The following RBFOX1 variants were observed in gnomAD, a reference collection of about 807,000 sequenced individuals.
RBFOX1 encodes the protein RNA binding fox-1 homolog 1.
A neutral mutation model predicts 57.7 loss-of-function variants in RBFOX1; 8 were observed. The ratio of observed to expected loss-of-function variants is 0.14; its 90% CI spans 0.08 to 0.25. The LOEUF (loss-of-function observed/expected upper bound fraction) is 0.25, where lower values mean the gene tolerates loss of function less well. Among genes scored for constraint, RBFOX1 ranks in the 10% least tolerant of loss-of-function variants. The pLI is 1.00. For synonymous variants in RBFOX1, 326 were observed against 222.4 expected, an observed-to-expected ratio of 1.47 and a Z score of -4.15; for missense variants, 611 against 548.5, an observed-to-expected ratio of 1.11 and a Z score of -1.14.
chr16:6,016,236 G>A (rs143673867), upstream of RBFOX1, among the ~76,000 whole-genome samples: 230 of 152,292 alleles, frequency 1.5e-3, no homozygotes, highest in African/African-American at 5.4e-3. Flanking sequence ...AGAGGAGTTC[G>A]CAAGAACACC....
At chr16:6,987,504 CAG>C (rs1555721464) in intron 3 of RBFOX1, among the ~76,000 whole-genome samples, 3 of 143,058 alleles carry the variant, frequency 2.1e-5, no homozygotes, top group Non-Finnish European at 4.6e-5. Flanking sequence ...CACACACACA[CAG>C]AGGCATGCCC....
At chr16:6,458,011 G>GAAAA (rs3066910) in intron 2 of RBFOX1, among the ~76,000 whole-genome samples, 6 of 150,232 alleles carry the variant, frequency 4.0e-5, no homozygotes, top group East Asian at 2.0e-4. Flanking sequence ...TCTCAAAACT[G>GAAAA]AAAAAAAAAA....
intron 4 of RBFOX1, among the ~76,000 whole-genome samples, chr16:7,059,734 T>G (rs1451386930): frequency 1.3e-5 from 2 of 152,194 alleles, no homozygotes; most frequent in East Asian, 3.9e-4. Context: ...GACTGTTTGG[T>G]ACAAATTTAC....
intron 3 of RBFOX1, among the ~76,000 whole-genome samples, chr16:6,699,831 A>G (rs750842425): frequency 6.6e-5 from 10 of 152,202 alleles, no homozygotes; most frequent in African/African-American, 9.7e-5. Context: ...TTGTATGTAG[A>G]TAAGTGTCAA....
At chr16:5,454,878 CTT>C (rs1358201773) in intron 1 of RBFOX1, among the ~76,000 whole-genome samples, 2 of 84,714 alleles carry the variant, frequency 2.4e-5, no homozygotes, top group South Asian at 8.1e-4. Flanking sequence ...TTCTTTCTTT[CTT>C]TCTTTCTTTC....
intron 4 of RBFOX1, among the ~76,000 whole-genome samples, chr16:7,445,681 A>G (rs1354450290): frequency 6.6e-6 from 1 of 152,132 alleles, no homozygotes; most frequent in Admixed American, 6.5e-5. Flanking sequence ...ATGGTACCAC[A>G]GTTTTTGTTG....
chr16:6,895,444 G>GTATATATATA (rs1341028814), intron 3 of RBFOX1, among the ~76,000 whole-genome samples: 11 of 73,466 alleles, frequency 1.5e-4, no homozygotes, highest in East Asian at 1.4e-3. Flanking sequence ...GTGTGTGTGT[G>GTATATATATA]TGTGTATATA....
At chr16:6,687,768 A>G (rs949586533) in intron 3 of RBFOX1, among the ~76,000 whole-genome samples, 1 of 152,184 alleles carries the variant, frequency 6.6e-6, no homozygotes, top group East Asian at 1.9e-4. Flanking sequence ...GTCAGCCCAG[A>G]GTGGTCACAT....
At chr16:5,554,777 C>G (rs907071941) in intron 2 of RBFOX1, among the ~76,000 whole-genome samples, 3 of 152,188 alleles carry the variant, frequency 2.0e-5, no homozygotes, top group African/African-American at 7.2e-5. Context: ...ATGCTTGACA[C>G]TGGTGGATGA....
At chr16:7,354,685 C>T (rs773832911) in intron 4 of RBFOX1, among the ~76,000 whole-genome samples, 11 of 152,144 alleles carry the variant, frequency 7.2e-5, no homozygotes, top group Non-Finnish European at 1.3e-4. Context: ...GAAGATAGCA[C>T]TCTCTGGAAA....
intron 2 of RBFOX1, among the ~76,000 whole-genome samples, chr16:6,498,246 C>T (rs940637633): frequency 5.4e-5 from 7 of 128,528 alleles, no homozygotes; most frequent in Admixed American, 2.7e-4. Flanking sequence ...AGAGGAACTC[C>T]GTCTCAAAAC....
intron 1 of RBFOX1, among the ~76,000 whole-genome samples, chr16:6,072,385 T>C (rs2095848076): frequency 6.6e-6 from 1 of 152,194 alleles, no homozygotes; most frequent in East Asian, 1.9e-4. Context: ...ATATTTTGGC[T>C]ATTGTGCTTA....
intron 1 of RBFOX1, among the ~76,000 whole-genome samples, chr16:5,391,933 A>C (rs1325330231): frequency 1.3e-5 from 2 of 151,754 alleles, no homozygotes; most frequent in Admixed American, 1.3e-4. Context: ...ATACACACAC[A>C]ATGGAATACT....
chr16:6,909,627 T>C (rs554617127), intron 3 of RBFOX1, among the ~76,000 whole-genome samples: 1 of 152,226 alleles, frequency 6.6e-6, no homozygotes, highest in African/African-American at 2.4e-5. Context: ...TTCTCTCTTT[T>C]ACAAAATCAG....
chr16:5,950,805 T>C (rs1016721796), intron 4 of RBFOX1, among the ~76,000 whole-genome samples: 1 of 151,522 alleles, frequency 6.6e-6, no homozygotes, highest in African/African-American at 2.4e-5. Flanking sequence ...GATACCTGAG[T>C]TCAAGGGAAA....
intron 3 of RBFOX1, among the ~76,000 whole-genome samples, chr16:7,013,595 C>T (rs2093757137): frequency 6.6e-6 from 1 of 152,182 alleles, no homozygotes; most frequent in Non-Finnish European, 1.5e-5. Flanking sequence ...ATCATTGCAA[C>T]ACAACTACTA....
chr16:5,698,045 T>A (rs1028359604), intron 3 of RBFOX1, among the ~76,000 whole-genome samples: 1 of 152,246 alleles, frequency 6.6e-6, no homozygotes, highest in African/African-American at 2.4e-5. Context: ...TTAATAGGAG[T>A]TCTGGTTTTG....
At chr16:5,749,680 C>T (rs957899532) in intron 3 of RBFOX1, among the ~76,000 whole-genome samples, 11 of 152,194 alleles carry the variant, frequency 7.2e-5, no homozygotes, top group South Asian at 2.1e-4. Flanking sequence ...CTTATGCATT[C>T]GTCACGTAGT....
intron 12 of RBFOX1, among the ~76,000 whole-genome samples, chr16:7,656,928 A>G (rs1451747195): frequency 6.6e-6 from 1 of 152,200 alleles, no homozygotes; most frequent in Non-Finnish European, 1.5e-5. Flanking sequence ...AAATTGCCAC[A>G]GTGAAATCTT....
Sources: gnomAD v4.1 joint callset for allele counts (sites outside exome capture counted in the v4.1 genomes callset) on GRCh38, gnomAD v4.1.1 for gene constraint, MANE v1.5 for transcripts, NCBI Gene and HGNC (gene_info 2026-07-23, HGNC 2026-07-21) for gene names.